PRKN: variants seen among roughly 807,000 people sequenced by gnomAD.
PRKN encodes parkin RBR E3 ubiquitin protein ligase, also known as E3 ubiquitin-protein ligase parkin.
A neutral mutation model predicts 59.5 loss-of-function variants in PRKN; 56 were observed. That is an observed-to-expected ratio of 0.94 (90% CI 0.76 to 1.18). PRKN has a LOEUF of 1.18. Among genes scored for constraint, PRKN ranks in the 50% most tolerant of loss-of-function variants. The pLI, the probability that PRKN is intolerant of heterozygous loss-of-function variation, is 0.00. For synonymous variants in PRKN, 250 were observed against 222.1 expected (o/e 1.13, Z -1.12); for missense variants, 657 against 596.4 (o/e 1.10, Z -1.06).
Position 161,578,923 on chromosome 6 carries a change from T to C in PRKN, c.872-9507A>G, listed in dbSNP as rs541905496. On this transcript the variant is annotated intron_variant, in intron 7 of 11. Transcript: ENST00000366898. This position sits in a 1 kb window ranked among gnomAD's most constrained non-coding sequence, Gnocchi z 4.2. Reference sequence around the variant, plus strand: ...ATTTCATAAAGTTCTTCCTTTGTTATTGACCTATATTTTGAGTGATTGTGA... The same window carrying C: ...ATTTCATAAAGTTCTTCCTTTGTTACTGACCTATATTTTGAGTGATTGTGA... 8.1e-4 allele frequency among the ~76,000 whole-genome samples: 124 copies of C among 152,376 alleles called. 1 individual carries two copies. Among genetic ancestry groups the C allele is most frequent in the African/African-American group, 2.9e-3 (120 of 41,586 alleles).
At chr6:162,110,464 G>T (rs1780381775) in intron 4 of PRKN, among the ~76,000 whole-genome samples, 1 of 152,170 alleles carries the variant, frequency 6.6e-6, no homozygotes, top group Admixed American at 6.5e-5. Flanking sequence ...ATTTAAAGGG[G>T]TTCATTTTTC....
intron 6 of PRKN, among the ~76,000 whole-genome samples, chr6:161,900,937 A>C (rs1475966034): frequency 7.1e-6 from 1 of 141,582 alleles, no homozygotes; most frequent in African/African-American, 2.5e-5. Context: ...TATTTTTTAG[A>C]TGGAGTCTCG....
intron 4 of PRKN, among the ~76,000 whole-genome samples, chr6:162,127,736 T>A (rs551482508): frequency 6.6e-6 from 1 of 152,310 alleles, no homozygotes; most frequent in East Asian, 1.9e-4. Flanking sequence ...CTTCACTACA[T>A]AAAAAGGCAA....
At chr6:161,572,780 G>A (rs1323760540) in intron 7 of PRKN, among the ~76,000 whole-genome samples, 1 of 152,204 alleles carries the variant, frequency 6.6e-6, no homozygotes, top group African/African-American at 2.4e-5. Flanking sequence ...TCCTTCAAGT[G>A]AGAAACAGAT....
chr6:162,425,574 T>C (rs1789198296), intron 2 of PRKN, among the ~76,000 whole-genome samples: 1 of 152,006 alleles, frequency 6.6e-6, no homozygotes, highest in Non-Finnish European at 1.5e-5. Context: ...AGAAAACCCA[T>C]CAATGAAATA....
chr6:162,389,007 G>GAAAAAAAA (rs71278564), intron 2 of PRKN, among the ~76,000 whole-genome samples: 5 of 104,146 alleles, frequency 4.8e-5, no homozygotes, highest in Non-Finnish European at 5.8e-5. Flanking sequence ...AGTTCCTCCA[G>GAAAAAAAA]AAAAAAAAAA....
At chr6:161,842,739 G>A (rs1793040341) in intron 6 of PRKN, among the ~76,000 whole-genome samples, 1 of 151,948 alleles carries the variant, frequency 6.6e-6, no homozygotes, top group African/African-American at 2.4e-5. Flanking sequence ...TAATTGAGAT[G>A]GGTTTTCACT....
chr6:162,504,067 CACAG>C (rs1449436695), intron 1 of PRKN, among the ~76,000 whole-genome samples: 2 of 133,682 alleles, frequency 1.5e-5, no homozygotes, highest in Middle Eastern at 4.2e-3. Context: ...ACAGAGAGGA[CACAG>C]AGAGAGAGAG....
At chr6:161,427,028 A>G (rs1788398337) in intron 9 of PRKN, among the ~76,000 whole-genome samples, 2 of 150,410 alleles carry the variant, frequency 1.3e-5, no homozygotes, top group African/African-American at 2.5e-5. Context: ...CTACTTACTT[A>G]TATTTTTGAG....
At chr6:162,441,623 T>C (rs578207026) in intron 2 of PRKN, among the ~76,000 whole-genome samples, 12 of 152,340 alleles carry the variant, frequency 7.9e-5, no homozygotes, top group Non-Finnish European at 1.3e-4. Flanking sequence ...TTCAATCTAA[T>C]ATTTCTCTCG....
intron 2 of PRKN, among the ~76,000 whole-genome samples, chr6:162,318,559 C>T (rs1233082174): frequency 6.6e-6 from 1 of 152,052 alleles, no homozygotes; most frequent in African/African-American, 2.4e-5. Context: ...GCGGTTGCAC[C>T]AGCAAAGTAC....
chr6:161,545,023 T>A lies in PRKN; in HGVS notation c.1083+3831A>T, dbSNP rs1465425779. The A allele has an allele frequency of 1.1e-5, 4 of 366,910 alleles. No individual in the cohort carries two copies. Among genetic ancestry groups the A allele is most frequent in the Non-Finnish European group, 1.6e-5 (4 of 248,312 alleles). The allele number at this position is 366,910 out of a possible 1,614,324, so 22.7% of individuals were successfully genotyped here. A position where few individuals can be genotyped will look rare whatever the true frequency, so the allele number is the denominator to read the frequency against. On this transcript the variant is annotated intron_variant, in intron 9 of 11. Coordinates refer to ENST00000366898, the MANE Select transcript of PRKN (RefSeq NM_004562.3). The surrounding 1 kb of genome is among the most constrained non-coding windows in gnomAD (Gnocchi z 4.1). ...CCCAGGTACATGGTCGTGGGTGAAA[T>A]GACTAGAAGATTAGAATCCTCTGGA...
At chr6:161,928,028 G>A (rs912016835) in intron 6 of PRKN, among the ~76,000 whole-genome samples, 5 of 152,126 alleles carry the variant, frequency 3.3e-5, no homozygotes, top group African/African-American at 4.8e-5. Flanking sequence ...CCTGGGAGAC[G>A]GGGCCTTTGG....
At chr6:162,210,053 G>A (rs1785135382) in intron 3 of PRKN, among the ~76,000 whole-genome samples, 1 of 150,980 alleles carries the variant, frequency 6.6e-6, no homozygotes, top group Non-Finnish European at 1.5e-5. Context: ...ATATGTATAT[G>A]TATCAAACTG....
Position 161,444,132 on chromosome 6 carries a change from G to A in PRKN, c.1084-57255C>T, listed in dbSNP as rs1028970089. Among the ~76,000 whole-genome samples the A allele has an allele frequency of 4.6e-5, 7 of 152,184 alleles. No homozygotes were observed. The highest frequency in any genetic ancestry group is 1.7e-4 in the African/African-American group (7 of 41,448). On this transcript the variant is annotated intron_variant, in intron 9 of 11. Transcript: ENST00000366898. The surrounding 1 kb of genome is among the most constrained non-coding windows in gnomAD (Gnocchi z 5.6). ...CTCCTGGACTGGGGGACTGGGAATCGGCCAGGCCAGGCCCAGCGGGTGGGA... is the reference window on the plus strand; with the variant it reads ...CTCCTGGACTGGGGGACTGGGAATCAGCCAGGCCAGGCCCAGCGGGTGGGA...
intron 1 of PRKN, among the ~76,000 whole-genome samples, chr6:162,489,630 G>C (rs1792714287): frequency 2.0e-5 from 3 of 152,164 alleles, no homozygotes; most frequent in Admixed American, 6.5e-5. Flanking sequence ...AAATTTCAAA[G>C]GAGTTATAAG....
chr6:161,520,351 A>C (rs1402089934), intron 9 of PRKN, among the ~76,000 whole-genome samples: 1 of 151,360 alleles, frequency 6.6e-6, no homozygotes, highest in East Asian at 1.9e-4. Context: ...CAGTCTCCTA[A>C]GTAGCTGGGA....
intron 3 of PRKN, among the ~76,000 whole-genome samples, chr6:162,207,070 A>G (rs1279791439): frequency 1.3e-5 from 2 of 152,114 alleles, no homozygotes; most frequent in African/African-American, 4.8e-5. Context: ...CTTGCTTTGG[A>G]GCCTTAAAAA....
intron 1 of PRKN, among the ~76,000 whole-genome samples, chr6:162,546,498 C>T (rs1282420119): frequency 6.6e-6 from 1 of 151,868 alleles, no homozygotes; most frequent in Non-Finnish European, 1.5e-5. Flanking sequence ...ACTCTTGACA[C>T]CCTGGTGCGA....
Sources: gnomAD v4.1 joint callset for allele counts (sites outside exome capture counted in the v4.1 genomes callset) on GRCh38, gnomAD v4.1.1 for gene constraint, Gnocchi (gnomAD v3.1) non-coding constraint, MANE v1.5 for transcripts, NCBI Gene and HGNC (gene_info 2026-07-23, HGNC 2026-07-21) for gene names.